The following COL18A1 variants were observed in gnomAD, a reference collection of about 807,000 sequenced individuals.
COL18A1 encodes the protein collagen type XVIII alpha 1 chain.
In COL18A1, 133 loss-of-function variants were observed where a neutral mutation model predicts 168.0. The ratio of observed to expected loss-of-function variants is 0.79; its 90% CI spans 0.69 to 0.91. COL18A1 has a LOEUF of 0.91. Among genes scored for constraint, COL18A1 ranks in the 40% least tolerant of loss-of-function variants. COL18A1 has a pLI of 0.00. For missense variants in COL18A1, 2,126 were observed against 1,925.4 expected (o/e 1.10, Z -1.95); for synonymous variants, 949 against 809.0 (o/e 1.17, Z -2.94).
At chr21:45,487,037 C>A in intron 16 of COL18A1, 45 bp downstream of exon 16, 1 of 1,472,936 alleles carries the variant, frequency 6.8e-7, no homozygotes, top group Non-Finnish European at 8.9e-7. Flanking sequence ...CGGGGGCTGC[C>A]GTTGCCCCAG....
intron 9 of COL18A1, among the ~76,000 whole-genome samples, chr21:45,479,581 T>C (rs2035819442): frequency 6.6e-6 from 1 of 150,714 alleles, no homozygotes; most frequent in African/African-American, 2.4e-5. Flanking sequence ...ACCACACTCC[T>C]CACACACACA....
At chr21:45,452,691 A>G (rs995275861) in intron 2 of COL18A1, among the ~76,000 whole-genome samples, 2 of 150,398 alleles carry the variant, frequency 1.3e-5, no homozygotes, top group African/African-American at 4.9e-5. Context: ...GTGAGCATGT[A>G]TGTGAGTTTG....
chr21:45,412,173 C>G (rs1232344187), intron 2 of COL18A1, among the ~76,000 whole-genome samples: 1 of 150,888 alleles, frequency 6.6e-6, no homozygotes, highest in Non-Finnish European at 1.5e-5. Context: ...ATTTTGCGTA[C>G]TTTTATTGTT....
chr21:45,473,831 C>A lies in COL18A1; in HGVS notation c.652-64C>A. 3 of 1,346,180 alleles carry A rather than the reference C, an allele frequency of 2.2e-6. No individual in the cohort carries two copies. Among genetic ancestry groups the A allele is most frequent in the Non-Finnish European group, 3.1e-6 (3 of 961,758 alleles). The allele number at this position is 1,346,180 out of a possible 1,614,324, so 83.4% of individuals were successfully genotyped here. Reference sequence around the variant, plus strand: ...GGCCCCCCGAAATCTGGAGCTCAAGCAGCACCGGGGTTGCCACTGCCACCT... The same window carrying A: ...GGCCCCCCGAAATCTGGAGCTCAAGAAGCACCGGGGTTGCCACTGCCACCT... On this transcript the variant is annotated intron_variant, in intron 3 of 41. Coordinates refer to ENST00000651438, the MANE Select transcript of COL18A1 (RefSeq NM_001379500.1). This position sits in a 1 kb window ranked among gnomAD's most constrained non-coding sequence, Gnocchi z 4.0.
intron 31 of COL18A1, 92 bp downstream of exon 31, chr21:45,497,184 C>T: frequency 1.2e-6 from 1 of 857,562 alleles, no homozygotes; most frequent in Non-Finnish European, 2.0e-6. Context: ...CAGTGAGACT[C>T]CCCCAGTGGC....
In COL18A1 at chr21:45,481,815, G is replaced by A. The variant is rs144405342; in HGVS notation, c.1612-148G>A. On this transcript the variant is annotated intron_variant, in intron 13 of 41. Transcript: ENST00000651438. Reference sequence around the variant, plus strand: ...GGCTACGCAGGCTGTGGGGTCTCCCGTGAGCCCTGGGACTCTGGCCCTGTG... The same window carrying A: ...GGCTACGCAGGCTGTGGGGTCTCCCATGAGCCCTGGGACTCTGGCCCTGTG... 847 of 709,638 alleles carry A rather than the reference G, an allele frequency of 1.2e-3. 7 individuals are homozygous for A. In the African/African-American group the frequency reaches 0.013, roughly 11 times the overall value. 44.0% of individuals were successfully genotyped at this position (709,638 alleles called of 1,614,324 possible).
At chr21:45,507,818 C>G (rs2037313633) in intron 38 of COL18A1, among the ~76,000 whole-genome samples, 1 of 152,230 alleles carries the variant, frequency 6.6e-6, no homozygotes, top group African/African-American at 2.4e-5. Flanking sequence ...CACGAGGGAG[C>G]CCCTCTCATC....
chr21:45,500,481 G>GGTGTGT (rs1304075523), intron 32 of COL18A1, among the ~76,000 whole-genome samples: 608 of 60,442 alleles, frequency 0.01, 37 homozygotes, highest in Non-Finnish European at 0.013. Context: ...GGTGTGGTTT[G>GGTGTGT]GTGTGTTGCG....
chr21:45,507,661 G>A, intron 38 of COL18A1, 68 bp downstream of exon 38: 9 of 1,446,344 alleles, frequency 6.2e-6, no homozygotes, highest in Non-Finnish European at 8.7e-6. Context: ...GCTGTCCCCT[G>A]TTTGAGGAAC....
intron 2 of COL18A1, among the ~76,000 whole-genome samples, chr21:45,445,256 C>T (rs918859396): frequency 2.0e-5 from 3 of 152,320 alleles, no homozygotes; most frequent in Admixed American, 1.3e-4. Context: ...CTGTGGTTTC[C>T]GGGTTCGTCC....
intron 29 of COL18A1, 193 bp downstream of exon 29, chr21:45,495,625 C>T: frequency 1.7e-6 from 1 of 599,846 alleles, no homozygotes; most frequent in Non-Finnish European, 3.1e-6. Context: ...TGTGCCCAAA[C>T]ATGCATGCAC....
chr21:45,511,040 CCCCCCACAAACA>C (rs2146138596), intron 40 of COL18A1, 59 bp from the exon 41 acceptor site: 1 of 438,590 alleles, frequency 2.3e-6, no homozygotes. Flanking sequence ...ATCCACACAC[CCCCCCACAAACA>C]CCCACACCCA....
At chr21:45,436,781 G>T (rs915472341) in intron 2 of COL18A1, among the ~76,000 whole-genome samples, 1 of 151,820 alleles carries the variant, frequency 6.6e-6, no homozygotes, top group African/African-American at 2.4e-5. Flanking sequence ...GTGGCTTGGC[G>T]GGGAAGCTGT....
chr21:45,477,651 A>T, intron 7 of COL18A1, 99 bp from the exon 8 acceptor site: 2 of 1,341,934 alleles, frequency 1.5e-6, no homozygotes, highest in South Asian at 2.6e-5. Context: ...CACTGTGGGA[A>T]GCAGCCCAGC....
At chr21:45,504,157 G>A (rs962879482) in intron 33 of COL18A1, 103 bp downstream of exon 33, 2 of 1,356,510 alleles carry the variant, frequency 1.5e-6, no homozygotes, top group Admixed American at 1.7e-5. Flanking sequence ...CCCCCTTCCT[G>A]TTCAGCCCTG....
intron 37 of COL18A1, 86 bp downstream of exon 37, chr21:45,506,052 C>T: frequency 1.9e-6 from 3 of 1,600,506 alleles, no homozygotes; most frequent in Middle Eastern, 1.9e-4. Flanking sequence ...GGCTCAGGCC[C>T]CGGACAGGGA....
chr21:45,487,692 T>C, intron 17 of COL18A1, 183 bp downstream of exon 17: 2 of 758,576 alleles, frequency 2.6e-6, no homozygotes, highest in Non-Finnish European at 4.6e-6. Flanking sequence ...AGATGCCCCT[T>C]CATTGAACTA....
At position 45,475,768 on chromosome 21, in the gene COL18A1, C is replaced by T. The variant is rs2035625454; in HGVS notation, c.798+233C>T. On this transcript the variant is annotated intron_variant, in intron 5 of 41. Transcript: ENST00000651438. ...CGCGTGTCTCTGGTGAGAGGATATT[C>T]CTTTAAAACGAGGTCCTGCCCTGCA... Among the ~76,000 whole-genome samples, 4 of 152,362 alleles carry T rather than the reference C, an allele frequency of 2.6e-5. No homozygotes were observed. In the South Asian group the frequency reaches 8.3e-4, roughly 32 times the overall value.
At chr21:45,406,744 G>A (rs756108816) in intron 2 of COL18A1, among the ~76,000 whole-genome samples, 1 of 152,256 alleles carries the variant, frequency 6.6e-6, no homozygotes, top group African/African-American at 2.4e-5. Flanking sequence ...AGACGCTGGG[G>A]CCCAAGCCCG....
Sources: gnomAD v4.1 joint callset for allele counts (sites outside exome capture counted in the v4.1 genomes callset) on GRCh38, gnomAD v4.1.1 for gene constraint, Gnocchi (gnomAD v3.1) non-coding constraint, MANE v1.5 for transcripts, NCBI Gene and HGNC (gene_info 2026-07-23, HGNC 2026-07-21) for gene names.